DUOX2: variants seen among roughly 807,000 people sequenced by gnomAD.
DUOX2 encodes the protein dual oxidase 2.
DUOX2 carries 185 observed loss-of-function variants against 183.3 expected under a neutral mutation model. The observed-to-expected ratio is 1.01, with a 90% CI of 0.90 to 1.14. The LOEUF is 1.14. Among genes scored for constraint, DUOX2 ranks in the 50% most tolerant of loss-of-function variants. The pLI is 0.00. For synonymous variants in DUOX2, 788 were observed against 812.4 expected (o/e 0.97, Z 0.51); for missense variants, 1,999 against 2,022.9 (o/e 0.99, Z 0.23).
rs1023314612 is a variant in DUOX2 at position 45,100,529 on chromosome 15, C to A, written c.3005+226G>T. 1.6e-5 allele frequency: 10 copies of A among 617,548 alleles called. No homozygotes were observed. In the African/African-American group the frequency reaches 1.8e-4, roughly 11 times the overall value. 38.3% of individuals were successfully genotyped at this position (617,548 alleles called of 1,614,324 possible). On this transcript the variant is annotated intron_variant, in intron 23 of 33. Coordinates refer to ENST00000389039, the MANE Select transcript of DUOX2 (RefSeq NM_001363711.2). Reference sequence around the variant, plus strand: ...CAAAGCAGGCAGGAGCCAGGAGACCCCTTACTATCATCCTGTTGAGCCAGG... The same window carrying A: ...CAAAGCAGGCAGGAGCCAGGAGACCACTTACTATCATCCTGTTGAGCCAGG...
At position 45,111,416 on chromosome 15, in the gene DUOX2, G is replaced by A; in HGVS notation, c.683C>T (p.Ala228Val). 6.7e-7 allele frequency: 1 copy of A among 1,495,838 alleles called. No homozygotes were observed. Among genetic ancestry groups the A allele is most frequent in the Non-Finnish European group, 8.9e-7 (1 of 1,123,984 alleles). The allele number at this position is 1,495,838 out of a possible 1,614,324, so 92.7% of individuals were successfully genotyped here. A position where few individuals can be genotyped will look rare whatever the true frequency, so the allele number is the denominator to read the frequency against. Residue 228 changes from alanine (A) to valine (V), a missense_variant, in exon 6 of 34, where the codon GCC becomes GTC. By Grantham distance (64) the Ala-to-Val change is moderately conservative (BLOSUM62 0). Around this residue, in one of 3 missense-constraint regions of DUOX2, gnomAD observed 356 missense variants for 356.4 expected, o/e 1.00. Transcript: ENST00000389039. Reference sequence around the variant, plus strand: ...CCCCCGGGGCCCGTTCTGCCCGGTGGCGGGGTCGGGCGCCGCCCACATGAG... The same window carrying A: ...CCCCCGGGGCCCGTTCTGCCCGGTGACGGGGTCGGGCGCCGCCCACATGAG... The part of the protein sequence containing the change: ...PLLMWAAPDP[A>V]TGQNGPRGLY...
intron 26 of DUOX2, among the ~76,000 whole-genome samples, chr15:45,098,693 G>A (rs1221102825): frequency 6.6e-6 from 1 of 150,574 alleles, no homozygotes; most frequent in African/African-American, 2.5e-5. Context: ...GTCTGGGACT[G>A]TCTATTTCTT....
chr15:45,112,862 G>A (rs1894482630), intron 3 of DUOX2, 125 bp downstream of exon 3: 2 of 1,533,118 alleles, frequency 1.3e-6, no homozygotes, highest in African/African-American at 1.4e-5. Flanking sequence ...GAGCGCATAA[G>A]ATTGCGCTGT....
At chr15:45,112,026 C>G in intron 4 of DUOX2, 71 bp from the exon 5 acceptor site, 2 of 1,566,520 alleles carry the variant, frequency 1.3e-6, no homozygotes, top group African/African-American at 2.7e-5. Context: ...GGGCGGCCTC[C>G]AAGTGTCCTC....
intron 32 of DUOX2, 65 bp downstream of exon 32, chr15:45,094,850 GTCCACCCACCTGCCCTGGCCA>G: frequency 1.9e-6 from 3 of 1,599,438 alleles, no homozygotes; most frequent in Non-Finnish European, 2.6e-6. Flanking sequence ...CAGCCTGGCC[GTCCACCCACCTGCCCTGGCCA>G]TCCTGCCTTA....
chr15:45,111,043 T>C (rs569561928), intron 7 of DUOX2, 68 bp downstream of exon 7: 216 of 737,266 alleles, frequency 2.9e-4, no homozygotes, highest in Admixed American at 2.0e-3. Flanking sequence ...GGGAGCTCCA[T>C]GGGGCAGCGG....
Position 45,104,109 on chromosome 15 carries a change from T to C in DUOX2, c.2560+31A>G. ...TCCTTGCTGAAAGACCCCTGGATTC[T>C]TGGATAGCCTGCCACCTCCCAGCCC... is the stretch of plus-strand genomic sequence containing the variant. On this transcript the variant is annotated intron_variant, in intron 19 of 33. Transcript: ENST00000389039. The C allele has an allele frequency of 1.9e-6, 3 of 1,614,114 alleles. No individual in the cohort carries two copies. In the South Asian group the frequency reaches 3.3e-5, roughly 18 times the overall value.
rs749057230 is a variant in DUOX2 at position 45,100,234 on chromosome 15, G to T, written c.3006-6C>A. On this transcript the variant is annotated splice_polypyrimidine_tract_variant and splice_region_variant and intron_variant, in intron 23 of 33. Transcript: ENST00000389039. ...GGGGAGTGGGCACTGCTGCCCTATA[G>T]CAAGGGGAGGCAGGGCAGCAGTGTG... is the stretch of plus-strand genomic sequence containing the variant. 1.2e-6 allele frequency: 2 copies of T among 1,611,848 alleles called. No individual in the cohort carries two copies. Among genetic ancestry groups the T allele is most frequent in the Non-Finnish European group, 1.7e-6 (2 of 1,179,230 alleles).
At chr15:45,112,966 G>C in intron 3 of DUOX2, 21 bp downstream of exon 3, 1 of 1,612,018 alleles carries the variant, frequency 6.2e-7, no homozygotes, top group South Asian at 1.1e-5. Flanking sequence ...GCCCCAGCAC[G>C]CCCGGGCCCC....
rs368975704 is a variant in DUOX2, at chr15:45,099,827, G to A, written c.3250C>T (p.Arg1084Ter). ...AAGGAGACGCTGGCCGCCGTGCCTC[G>A]TGACAGGATGATGCCCACGAGGGTG... ...QTTLVGIILS[R>*]GTAASVSFMF... The change falls in exon 25 of 34, where the codon CGA (arginine) becomes TGA (stop). Residue 1084 changes from arginine (R) to a stop codon, truncating the protein, a stop_gained. Transcript: ENST00000389039. LOFTEE classifies it high-confidence loss of function. The A allele has an allele frequency of 6.9e-5, 112 of 1,614,238 alleles. No individual in the cohort carries two copies. The highest frequency in any genetic ancestry group is 1.6e-4 in the Middle Eastern group (1 of 6,062).
intron 10 of DUOX2, 119 bp from the exon 11 acceptor site, chr15:45,109,745 T>A (rs1014255112): frequency 1.5e-6 from 2 of 1,319,682 alleles, no homozygotes; most frequent in African/African-American, 2.9e-5. Flanking sequence ...TCTCTTGAAC[T>A]GTTGTCCCCG....
intron 20 of DUOX2, among the ~76,000 whole-genome samples, chr15:45,102,695 G>T (rs1894112439): frequency 6.6e-6 from 1 of 152,176 alleles, no homozygotes. Flanking sequence ...AAGAAGGTGG[G>T]AATTCACCAG....
Position 45,095,444 on chromosome 15 carries a change from C to T in DUOX2, c.4232G>A (p.Cys1411Tyr), listed in dbSNP as rs766067391. ...TGAGGGAGGGATGCTCACCTTCTTA[C>T]ACAGCATTTGGCTGCCCAAGGATGA... ...FKSSLGSQMLCKKIYFIWVTR... is the reference protein window; with the variant it reads ...FKSSLGSQMLYKKIYFIWVTR... Residue 1411 changes from cysteine to tyrosine, a missense_variant, in exon 31 of 34, where the codon TGT becomes TAT. Coordinates refer to ENST00000389039, the MANE Select transcript of DUOX2 (RefSeq NM_001363711.2). The T allele has an allele frequency of 2.7e-5, 44 of 1,614,122 alleles. No homozygotes were observed. In the East Asian group the frequency reaches 9.8e-4, roughly 36 times the overall value.
chr15:45,104,393 G>T (rs749527481), intron 18 of DUOX2, 28 bp from the exon 19 acceptor site: 1 of 1,607,110 alleles, frequency 6.2e-7, no homozygotes, highest in East Asian at 2.2e-5. Flanking sequence ...CAGAGGGAGG[G>T]AAAGAGAAGG....
rs1247307816 is a variant in DUOX2, at chr15:45,099,419, A to G, written c.3479T>C (p.Leu1160Pro). 1.7e-5 allele frequency: 28 copies of G among 1,614,004 alleles called. No individual in the cohort carries two copies. The highest frequency in any genetic ancestry group is 1.7e-4 in the Admixed American group (10 of 59,992). Residue 1160 changes from leucine (L) to proline (P), a missense_variant, in exon 26 of 34, where the codon CTG (leucine) becomes CCG (proline). Physicochemically the swap from Leu to Pro is moderately conservative, Grantham distance 98 (BLOSUM62 -3). This residue lies in a region of DUOX2 where 1,628 missense variants were observed against 1,608.6 expected (regional missense o/e 1.01). Coordinates refer to ENST00000389039, the MANE Select transcript of DUOX2 (RefSeq NM_001363711.2). The stretch of plus-strand genomic sequence containing the variant: ...AAAGACGTTGGGGAATATGCAGGCC[A>G]GCAGGCTGAGTGGGCTGACTGAGAA... ...YIFSVSPLSL[L>P]ACIFPNVFVN...
Position 45,110,485 on chromosome 15 carries a change from A to G in DUOX2, c.983T>C (p.Phe328Ser), listed in dbSNP as rs1331341184. 6.2e-7 allele frequency: 1 copy of G among 1,614,134 alleles called. No homozygotes were observed. Among genetic ancestry groups the G allele is most frequent in the Non-Finnish European group, 8.5e-7 (1 of 1,180,008 alleles). ...PFLDPSISPE[F>S]VVASEQFFST... ...GAAGAACTGCTCAGAGGCCACCACA[A>G]ATTCCGGGGAGATGCTGGGGTCTAG... Residue 328 changes from phenylalanine (F) to serine (S), a missense_variant, in exon 9 of 34, where the codon TTT becomes TCT. Transcript: ENST00000389039.
Position 45,101,268 on chromosome 15 carries a change from C to CTGGCCGGGCGCGGTGGCTCACGCCTG in DUOX2, c.2857_2858insCAGGCGTGAGCCACCGCGCCCGGCCA (p.Arg953ThrfsTer52), listed in dbSNP as rs1566973491. On this transcript the variant is annotated frameshift_variant, in exon 22 of 34. Coordinates refer to ENST00000389039, the MANE Select transcript of DUOX2 (RefSeq NM_001363711.2). LOFTEE classifies it high-confidence loss of function. Reference sequence around the variant, plus strand: ...GCTGATGTTTTGTTTAAAGATATCTCTAATACCTAGAGAAAAGAACAAGAG... The same window carrying CTGGCCGGGCGCGGTGGCTCACGCCTG: ...GCTGATGTTTTGTTTAAAGATATCTCTGGCCGGGCGCGGTGGCTCACGCCTGTAATACCTAGAGAAAAGAACAAGAG... 6.2e-7 allele frequency: 1 copy of CTGGCCGGGCGCGGTGGCTCACGCCTG among 1,613,104 alleles called. No individual in the cohort carries two copies. The highest frequency in any genetic ancestry group is 8.5e-7 in the Non-Finnish European group (1 of 1,179,570).
chr15:45,099,299 C>G, intron 26 of DUOX2, 84 bp downstream of exon 26: 2 of 1,291,628 alleles, frequency 1.5e-6, no homozygotes, highest in Non-Finnish European at 2.2e-6. Context: ...CGTGAGCCAC[C>G]GCGCCCGGCC....
chr15:45,105,996 T>C, intron 17 of DUOX2, 129 bp downstream of exon 17: 1 of 1,389,640 alleles, frequency 7.2e-7, no homozygotes, highest in Non-Finnish European at 1.0e-6. Context: ...TGGGGGCCTC[T>C]GAAAGGAGCC....
Sources: gnomAD v4.1 joint callset for allele counts (sites outside exome capture counted in the v4.1 genomes callset) on GRCh38, gnomAD v4.1.1 for gene constraint, gnomAD v4.1.1 regional missense constraint, MANE v1.5 for transcripts, NCBI Gene and HGNC (gene_info 2026-07-23, HGNC 2026-07-21) for gene names.